Variants in PKD1L3 observed in about 807,000 individuals in gnomAD.
PKD1L3 encodes the protein polycystin-1-like protein 3.
PKD1L3 carries 239 observed loss-of-function variants against 184.1 expected under a neutral mutation model. The ratio of observed to expected loss-of-function variants is 1.30; its 90% CI spans 1.17 to 1.45. The LOEUF is 1.45. PKD1L3 is among the 40% of genes most tolerant of loss of function. The probability of loss-of-function intolerance (pLI) is 0.00; values close to 1 mark genes in which losing one functional copy is unlikely to be tolerated. For missense variants in PKD1L3, 2,660 were observed against 2,067.2 expected (o/e 1.29, Z -5.56); for synonymous variants, 996 against 778.8 (o/e 1.28, Z -4.64).
At chr16:71,950,357 A>G in intron 19 of PKD1L3, 47 bp from the exon 20 acceptor site, 3 of 1,428,420 alleles carry the variant, frequency 2.1e-6, no homozygotes, top group Non-Finnish European at 2.8e-6. Flanking sequence ...GATTTCAATA[A>G]GAAGCAATTA....
At chr16:71,967,765 C>G in intron 14 of PKD1L3, 141 bp downstream of exon 14, 1 of 742,442 alleles carries the variant, frequency 1.3e-6, no homozygotes, top group Admixed American at 2.8e-5. Flanking sequence ...ATGTGCGGCC[C>G]ACATGTACAG....
intron 15 of PKD1L3, 57 bp from the exon 16 acceptor site, chr16:71,963,408 A>G: frequency 1.4e-6 from 2 of 1,450,898 alleles, no homozygotes; most frequent in Non-Finnish European, 1.9e-6. Context: ...AGTTGTCTGT[A>G]GTAAGACGTA....
chr16:71,951,692 G>C lies in PKD1L3; in HGVS notation c.3062C>G (p.Ser1021Cys), dbSNP rs1252351799. The C allele has an allele frequency of 3.9e-6, 6 of 1,551,692 alleles. No homozygotes were observed. Among genetic ancestry groups the C allele is most frequent in the Non-Finnish European group, 5.2e-6 (6 of 1,146,984 alleles). The change falls in exon 19 of 30, where the codon TCC (serine) becomes TGC (cysteine). Residue 1021 changes from serine to cysteine, a missense_variant. Physicochemically the swap from Ser to Cys is moderately radical, Grantham distance 112 (BLOSUM62 -1). Transcript: ENST00000620267. ...FLLRRNTYLL[S>C]KCEQPPWSSW... is the part of the protein sequence containing the mutation. ...ACTCCATGGCGGCTGCTCACACTTG[G>C]AGAGTAGGTATGTATTTCTCCTGAG...
intron 25 of PKD1L3, among the ~76,000 whole-genome samples, chr16:71,936,047 C>T (rs1044307487): frequency 2.0e-5 from 3 of 151,982 alleles, no homozygotes; most frequent in African/African-American, 7.3e-5. Flanking sequence ...CTGCCTACCT[C>T]AGCCTCCCAA....
chr16:71,949,498 C>T (rs1185837238), intron 21 of PKD1L3, among the ~76,000 whole-genome samples: 3 of 151,946 alleles, frequency 2.0e-5, no homozygotes, highest in Non-Finnish European at 4.4e-5. Flanking sequence ...ACTATAGGAG[C>T]ACACCACCAT....
chr16:71,935,067 G>A (rs747922655), intron 26 of PKD1L3, among the ~76,000 whole-genome samples: 9 of 152,204 alleles, frequency 5.9e-5, no homozygotes, highest in Non-Finnish European at 1.0e-4. Context: ...TTATGCCTTC[G>A]CCAGAGGGCA....
At chr16:71,976,341 T>C (rs868770520) in intron 11 of PKD1L3, among the ~76,000 whole-genome samples, 38 of 145,340 alleles carry the variant, frequency 2.6e-4, no homozygotes, top group Middle Eastern at 3.6e-3. Context: ...CGGCAACCTC[T>C]GCCTCCCAGG....
chr16:71,964,034 C>T (rs2039394425), intron 15 of PKD1L3, among the ~76,000 whole-genome samples: 1 of 152,246 alleles, frequency 6.6e-6, no homozygotes, highest in Non-Finnish European at 1.5e-5. Flanking sequence ...TGACTTCTCA[C>T]TCTACTTAGT....
Position 71,994,622 on chromosome 16 carries a change from A to C in PKD1L3, c.419-1290T>G, listed in dbSNP as rs374865601. 1.9e-4 allele frequency among the ~76,000 whole-genome samples: 29 copies of C among 152,280 alleles called. 1 individual carries two copies. The highest frequency in any genetic ancestry group is 9.8e-4 in the Admixed American group (15 of 15,304). On this transcript the variant is annotated intron_variant, in intron 2 of 29. Coordinates refer to ENST00000620267, the MANE Select transcript of PKD1L3 (RefSeq NM_181536.2). Reference sequence around the variant, plus strand: ...CCCAGCTGTTTCCTGCTCTTGAGCAAAATTACCTTAAAAATTGTCCAAACT... The same window carrying C: ...CCCAGCTGTTTCCTGCTCTTGAGCACAATTACCTTAAAAATTGTCCAAACT...
At chr16:71,933,870 G>C in intron 27 of PKD1L3, 45 bp downstream of exon 27, 1 of 1,534,884 alleles carries the variant, frequency 6.5e-7, no homozygotes, top group Non-Finnish European at 8.8e-7. Flanking sequence ...GCGATTCCAA[G>C]ACCACAGCAC....
At chr16:71,982,934 A>G (rs568256056) in intron 6 of PKD1L3, among the ~76,000 whole-genome samples, 5 of 152,254 alleles carry the variant, frequency 3.3e-5, no homozygotes, top group Non-Finnish European at 5.9e-5. Flanking sequence ...TAGCAGCTTA[A>G]TATTCGTTAT....
chr16:71,943,108 T>C (rs2143238853), intron 23 of PKD1L3, 84 bp from the exon 24 acceptor site: 2 of 1,165,284 alleles, frequency 1.7e-6, no homozygotes, highest in Admixed American at 2.5e-5. Context: ...CCTAAGTCTA[T>C]AGACTTATGC....
intron 15 of PKD1L3, among the ~76,000 whole-genome samples, chr16:71,965,437 A>C (rs1038719755): frequency 6.6e-6 from 1 of 152,088 alleles, no homozygotes; most frequent in African/African-American, 2.4e-5. Context: ...TGTATGTTTA[A>C]CTTCACAAGA....
chr16:71,973,420 A>G lies in PKD1L3; in HGVS notation c.1857T>C (p.Ala619=). ...CCGAGACCAAGCTGGGTGTCTGCTG[A>G]GCACCCTCCTGCCTCTCACTCAGCA... ...TAVLSERQEG[A]QQTPSLVSVI... The change falls in exon 12 of 30, where the codon GCT becomes GCC. Residue 619 remains alanine (A), a synonymous_variant. Coordinates refer to ENST00000620267, the MANE Select transcript of PKD1L3 (RefSeq NM_181536.2). 6.4e-7 allele frequency: 1 copy of G among 1,551,606 alleles called. No homozygotes were observed. The highest frequency in any genetic ancestry group is 8.7e-7 in the Non-Finnish European group (1 of 1,146,976).
At chr16:71,963,600 C>T (rs1019400758) in intron 15 of PKD1L3, among the ~76,000 whole-genome samples, 17 of 152,048 alleles carry the variant, frequency 1.1e-4, no homozygotes, top group Non-Finnish European at 2.1e-4. Context: ...TGGGCAACGT[C>T]GCAAAATCCC....
intron 24 of PKD1L3, among the ~76,000 whole-genome samples, chr16:71,940,240 G>C (rs190658703): frequency 6.6e-6 from 1 of 152,262 alleles, no homozygotes; most frequent in East Asian, 1.9e-4. Flanking sequence ...CAGTGATGCT[G>C]TATGAGAGAA....
chr16:71,980,023 T>G lies in PKD1L3; in HGVS notation c.1255A>C (p.Thr419Pro). 1 of 1,552,060 alleles carries G rather than the reference T, an allele frequency of 6.4e-7. No individual in the cohort carries two copies. The highest frequency in any genetic ancestry group is 1.2e-5 in the South Asian group (1 of 84,054). Reference sequence around the variant, plus strand: ...CCCATTAACCTGCTCAGCAGCAGAGTAGCATTGGCAGAGGTCAAAGTCACT... The same window carrying G: ...CCCATTAACCTGCTCAGCAGCAGAGGAGCATTGGCAGAGGTCAAAGTCACT... ...SSVTLTSANA[T>P]LLLSRQNIST... is the part of the protein sequence containing the mutation. The change falls in exon 8 of 30, where the codon ACT (threonine) becomes CCT (proline). Residue 419 changes from threonine to proline, a missense_variant. Coordinates refer to ENST00000620267, the MANE Select transcript of PKD1L3 (RefSeq NM_181536.2).
intron 13 of PKD1L3, among the ~76,000 whole-genome samples, chr16:71,968,419 A>G (rs2143596264): frequency 6.6e-6 from 1 of 152,242 alleles, no homozygotes; most frequent in African/African-American, 2.4e-5. Flanking sequence ...GGTAGCCTGT[A>G]TTTTTGTTTA....
chr16:72,000,069 T>G lies in PKD1L3; in HGVS notation c.-91A>C, dbSNP rs1332880244. 2.5e-5 allele frequency: 27 copies of G among 1,081,658 alleles called. No individual in the cohort carries two copies. The highest frequency in any genetic ancestry group is 3.2e-5 in the African/African-American group (2 of 61,612). The allele number at this position is 1,081,658 out of a possible 1,614,324, so 67.0% of individuals were successfully genotyped here. A position where few individuals can be genotyped will look rare whatever the true frequency, so the allele number is the denominator to read the frequency against. The stretch of plus-strand genomic sequence containing the variant: ...TATTGGCGGGCTTGTCTTATTAGTA[T>G]TATTCTTTTATGAATTGGGAACAAT... On this transcript the variant is annotated 5_prime_UTR_variant, in exon 1 of 30. Coordinates refer to ENST00000620267, the MANE Select transcript of PKD1L3 (RefSeq NM_181536.2).
Sources: gnomAD v4.1 joint callset for allele counts (sites outside exome capture counted in the v4.1 genomes callset) on GRCh38, gnomAD v4.1.1 for gene constraint, MANE v1.5 for transcripts, NCBI Gene and HGNC (gene_info 2026-07-23, HGNC 2026-07-21) for gene names.